POLA2: variants seen among roughly 807,000 people sequenced by gnomAD.
The protein encoded by POLA2 is DNA polymerase alpha 2, accessory subunit, also known as DNA polymerase alpha subunit B.
A neutral mutation model predicts 82.8 loss-of-function variants in POLA2; 47 were observed. That is an observed-to-expected ratio of 0.57 (90% CI 0.45 to 0.72). The LOEUF (loss-of-function observed/expected upper bound fraction) is 0.72, where lower values mean the gene tolerates loss of function less well. Ranked by LOEUF, POLA2 falls within the 30% of genes least tolerant of loss-of-function variation. The pLI is 0.00. For missense variants in POLA2, 634 were observed against 728.1 expected (o/e 0.87, Z 1.49); for synonymous variants, 287 against 286.8 (o/e 1.00, Z -0.01).
intron 9 of POLA2, among the ~76,000 whole-genome samples, chr11:65,282,184 T>C (rs1949648471): frequency 6.6e-6 from 1 of 152,218 alleles, no homozygotes. Context: ...TGCCTAGAAG[T>C]ACACTGATAC....
At position 65,297,362 on chromosome 11, in the gene POLA2, T is replaced by C. The variant is rs1565496109; in HGVS notation, c.*93T>C. 2 of 1,421,038 alleles carry C rather than the reference T, an allele frequency of 1.4e-6. No individual in the cohort carries two copies. The highest frequency in any genetic ancestry group is 1.9e-6 in the Non-Finnish European group (2 of 1,078,454). The allele number at this position is 1,421,038 out of a possible 1,614,324, so 88.0% of individuals were successfully genotyped here. On this transcript the variant is annotated 3_prime_UTR_variant, in exon 18 of 18. Coordinates refer to ENST00000265465, the MANE Select transcript of POLA2 (RefSeq NM_002689.4). Reference sequence around the variant, plus strand: ...CCCTGTGACAAGGTGAACAGTTGGGTGGGAAAGGAGAGAGGAGCCAGCCAG... The same window carrying C: ...CCCTGTGACAAGGTGAACAGTTGGGCGGGAAAGGAGAGAGGAGCCAGCCAG...
downstream of POLA2, among the ~76,000 whole-genome samples, chr11:65,299,410 T>TGAGAGG (rs1180326663): frequency 9.9e-5 from 15 of 152,170 alleles, no homozygotes; most frequent in African/African-American, 2.4e-4. Context: ...TTCCAGTCTC[T>TGAGAGG]GAGAGGGAGA....
At position 65,297,137 on chromosome 11, in the gene POLA2, C is replaced by A; in HGVS notation, c.1665C>A (p.Val555=). 1.9e-6 allele frequency: 3 copies of A among 1,614,096 alleles called. No individual in the cohort carries two copies. The highest frequency in any genetic ancestry group is 2.5e-6 in the Non-Finnish European group (3 of 1,180,008). The change falls in exon 18 of 18, where the codon GTC becomes GTA. Residue 555 remains valine, a synonymous_variant. Coordinates refer to ENST00000265465, the MANE Select transcript of POLA2 (RefSeq NM_002689.4). ...RYFVKDVLGC[V]CVNPGRLTKG... Reference sequence around the variant, plus strand: ...CTCCCCAGGATGTCCTCGGCTGTGTCTGTGTGAACCCTGGGCGCCTTACCA... The same window carrying A: ...CTCCCCAGGATGTCCTCGGCTGTGTATGTGTGAACCCTGGGCGCCTTACCA...
At chr11:65,275,178 A>G (rs1479998140) in intron 4 of POLA2, among the ~76,000 whole-genome samples, 1 of 152,102 alleles carries the variant, frequency 6.6e-6, no homozygotes, top group Non-Finnish European at 1.5e-5. Flanking sequence ...AACTTCTTAA[A>G]CTTGCAGCCA....
rs142790860 is a variant in POLA2 at position 65,294,208 on chromosome 11, G to C, written c.1300G>C (p.Val434Leu). The change falls in exon 14 of 18, where the codon GTG (valine) becomes CTG (leucine). Residue 434 changes from valine (V) to leucine (L), a missense_variant. Val to Leu is a conservative substitution (Grantham distance 32). Coordinates refer to ENST00000265465, the MANE Select transcript of POLA2 (RefSeq NM_002689.4). Reference protein sequence around the residue: ...PSLRDVHHEPVYPQPPFSYSD... With the variant: ...PSLRDVHHEPLYPQPPFSYSD... Reference sequence around the variant, plus strand: ...ATTGAGAGATGTGCACCATGAGCCTGTGTACCCCCAGCCGCCTTTCAGCTA... The same window carrying C: ...ATTGAGAGATGTGCACCATGAGCCTCTGTACCCCCAGCCGCCTTTCAGCTA... The C allele has an allele frequency of 8.2e-4, 1,327 of 1,614,128 alleles. 1 individual carries two copies. Among genetic ancestry groups the C allele is most frequent in the Non-Finnish European group, 1.1e-3 (1,275 of 1,180,028 alleles).
At chr11:65,271,067 T>C (rs113098069) in intron 4 of POLA2, among the ~76,000 whole-genome samples, 1,576 of 152,326 alleles carry the variant, frequency 0.01, 23 homozygotes, top group African/African-American at 0.035. Flanking sequence ...AAAGCCCTTC[T>C]TCTGTTTTAT....
chr11:65,287,573 CT>C, intron 10 of POLA2, 142 bp from the exon 11 acceptor site: 1 of 632,372 alleles, frequency 1.6e-6, no homozygotes, highest in Non-Finnish European at 2.7e-6. Context: ...GACATGAGGT[CT>C]TCCTTACCTT....
chr11:65,276,700 C>G (rs1949583194), intron 5 of POLA2, among the ~76,000 whole-genome samples: 1 of 152,048 alleles, frequency 6.6e-6, no homozygotes, highest in South Asian at 2.1e-4. Context: ...AGTATTAACC[C>G]TTCAGGGAAA....
intron 3 of POLA2, among the ~76,000 whole-genome samples, chr11:65,268,209 C>T (rs2137498792): frequency 6.6e-6 from 1 of 152,096 alleles, no homozygotes; most frequent in South Asian, 2.1e-4. Context: ...GTGGAAGTTG[C>T]AGTAATCTGA....
chr11:65,271,243 T>C (rs1949518225), intron 4 of POLA2, among the ~76,000 whole-genome samples: 1 of 152,210 alleles, frequency 6.6e-6, no homozygotes, highest in Admixed American at 6.5e-5. Flanking sequence ...CCCTGGCATG[T>C]TAATAGTTGT....
chr11:65,288,959 C>T (rs1949726714), intron 11 of POLA2, 91 bp from the exon 12 acceptor site: 1 of 1,224,932 alleles, frequency 8.2e-7, no homozygotes, highest in Non-Finnish European at 1.2e-6. Flanking sequence ...GAGCCCTCCA[C>T]AGAGAACTGC....
chr11:65,304,913 T>G (rs1196696746), intron 8 of POLA2, among the ~76,000 whole-genome samples: 1 of 152,090 alleles, frequency 6.6e-6, no homozygotes, highest in Non-Finnish European at 1.5e-5. Context: ...TCTATCACCA[T>G]GTGGTGTGGA....
intron 12 of POLA2, 87 bp downstream of exon 12, chr11:65,289,175 T>C (rs954604351): frequency 7.9e-6 from 8 of 1,009,322 alleles, no homozygotes; most frequent in Admixed American, 6.1e-5. Context: ...ATCCCACATC[T>C]GTAACAAACA....
intron 4 of POLA2, among the ~76,000 whole-genome samples, chr11:65,273,523 G>A (rs1292675451): frequency 2.0e-5 from 3 of 152,132 alleles, no homozygotes; most frequent in South Asian, 2.1e-4. Context: ...CACGTCTTGC[G>A]AGACAGACTG....
intron 4 of POLA2, among the ~76,000 whole-genome samples, chr11:65,269,768 A>T (rs1484201923): frequency 8.5e-5 from 13 of 152,260 alleles, no homozygotes; most frequent in Admixed American, 7.9e-4. Context: ...AAACTACATC[A>T]TAAGAAAGAG....
chr11:65,302,510 G>T (rs1301990077), downstream of POLA2, among the ~76,000 whole-genome samples: 1 of 152,138 alleles, frequency 6.6e-6, no homozygotes. Context: ...CTGATTCCCA[G>T]CGAATAGGGG....
chr11:65,269,567 G>A (rs1949500375), intron 4 of POLA2, among the ~76,000 whole-genome samples: 1 of 152,156 alleles, frequency 6.6e-6, no homozygotes, highest in Non-Finnish European at 1.5e-5. Flanking sequence ...AACAGACATG[G>A]ATGGGCTCTG....
At chr11:65,294,310 C>A in intron 14 of POLA2, 49 bp downstream of exon 14, 1 of 1,430,440 alleles carries the variant, frequency 7.0e-7, no homozygotes, top group South Asian at 1.1e-5. Context: ...TCCAGCATGC[C>A]TCTGCCACTA....
At chr11:65,282,067 T>G (rs1391824388) in intron 9 of POLA2, among the ~76,000 whole-genome samples, 1 of 152,230 alleles carries the variant, frequency 6.6e-6, no homozygotes, top group Non-Finnish European at 1.5e-5. Flanking sequence ...GCAGCCAAAT[T>G]TGGCCCAGAG....
Sources: allele counts gnomAD v4.1 joint callset (sites outside exome capture counted in the v4.1 genomes callset), GRCh38; gene constraint gnomAD v4.1.1; transcripts MANE v1.5; gene names NCBI Gene and HGNC (gene_info 2026-07-23, HGNC 2026-07-21).